MAP3K2: variants seen among roughly 807,000 people sequenced by gnomAD.
The protein encoded by MAP3K2 is mitogen-activated protein kinase kinase kinase 2.
In MAP3K2, 24 loss-of-function variants were observed where a neutral mutation model predicts 80.3. The ratio of observed to expected loss-of-function variants is 0.30; its 90% CI spans 0.22 to 0.42. MAP3K2 has a LOEUF of 0.42. MAP3K2 is among the 10% of genes least tolerant of loss of function. The pLI is 1.00. For synonymous variants in MAP3K2, 244 were observed against 253.7 expected, an observed-to-expected ratio of 0.96 and a Z score of 0.36; for missense variants, 608 against 750.1, an observed-to-expected ratio of 0.81 and a Z score of 2.21.
intron 1 of MAP3K2, 49 bp from the exon 2 acceptor site, chr2:127,343,243 G>A (rs1573994258): frequency 6.7e-6 from 5 of 746,390 alleles, no homozygotes; most frequent in South Asian, 2.1e-5. Context: ...AACAGAAAAG[G>A]AGCCAGGAAA....
chr2:127,341,567 C>G (rs1347204539), intron 2 of MAP3K2, among the ~76,000 whole-genome samples: 1 of 116,602 alleles, frequency 8.6e-6, no homozygotes, highest in Non-Finnish European at 1.6e-5. Flanking sequence ...GAGTCTTGCT[C>G]TGTCGCCCAG....
At chr2:127,323,782 C>T (rs1326969543) in intron 11 of MAP3K2, 120 bp downstream of exon 11, 3 of 482,598 alleles carry the variant, frequency 6.2e-6, no homozygotes, top group Non-Finnish European at 1.1e-5. Flanking sequence ...TGTTATAACA[C>T]AATTCCTCAT....
At chr2:127,342,388 GGTGTGTGT>G (rs56300936) in intron 2 of MAP3K2, among the ~76,000 whole-genome samples, 37,247 of 147,760 alleles carry the variant, frequency 0.25, 4,779 homozygotes, top group Middle Eastern at 0.29. Flanking sequence ...TCTTCATGAG[GGTGTGTGT>G]GTGTGTGTGT....
Position 127,318,189 on chromosome 2 carries a change from C to G in MAP3K2, c.1174G>C (p.Asp392His), listed in dbSNP as rs373223980. 8.7e-5 allele frequency: 139 copies of G among 1,606,656 alleles called. No homozygotes were observed. In the African/African-American group the frequency reaches 1.6e-3, roughly 19 times the overall value. Residue 392 changes from aspartate (D) to histidine (H), a missense_variant, in exon 13 of 17, where the codon GAT (aspartate) becomes CAT (histidine). Coordinates refer to ENST00000682094, the MANE Select transcript of MAP3K2 (RefSeq NM_001371910.2). ...TTTACCTTGCTGGTCTCAGGACTATCGGGGTCAAATTGAACTTGCTTAACA... is the reference window on the plus strand; with the variant it reads ...TTTACCTTGCTGGTCTCAGGACTATGGGGGTCAAATTGAACTTGCTTAACA... ...LAVKQVQFDPDSPETSKEVNA... is the reference protein window; with the variant it reads ...LAVKQVQFDPHSPETSKEVNA...
At chr2:127,383,904 C>T (rs868231603) in intron 1 of MAP3K2, among the ~76,000 whole-genome samples, 13 of 140,526 alleles carry the variant, frequency 9.3e-5, no homozygotes, top group Non-Finnish European at 1.5e-4. Context: ...GATGGAGTCT[C>T]GCTCTGTCAC....
At chr2:127,319,918 G>A (rs1685984342) in intron 12 of MAP3K2, among the ~76,000 whole-genome samples, 1 of 150,524 alleles carries the variant, frequency 6.6e-6, no homozygotes, top group Non-Finnish European at 1.5e-5. Flanking sequence ...AAGGTAATTA[G>A]AAGAATTTAA....
intron 12 of MAP3K2, among the ~76,000 whole-genome samples, chr2:127,320,678 T>C (rs530998564): frequency 3.7e-4 from 56 of 152,268 alleles, no homozygotes; most frequent in African/African-American, 1.3e-3. Flanking sequence ...ATTCACACTG[T>C]AGAAAATCAA....
At chr2:127,386,507 C>G (rs1687349890) in intron 1 of MAP3K2, among the ~76,000 whole-genome samples, 1 of 152,242 alleles carries the variant, frequency 6.6e-6, no homozygotes, top group African/African-American at 2.4e-5. Flanking sequence ...AATAACCCAA[C>G]TGTGAGTTCC....
intron 6 of MAP3K2, 83 bp from the exon 7 acceptor site, chr2:127,330,091 A>G: frequency 1.3e-6 from 1 of 776,874 alleles, no homozygotes; most frequent in Non-Finnish European, 2.2e-6. Context: ...AGTACAAAAC[A>G]TTTTATATTG....
At chr2:127,319,650 C>CAAAAAA (rs57472022) in intron 12 of MAP3K2, among the ~76,000 whole-genome samples, 3,894 of 72,056 alleles carry the variant, frequency 0.054, 10 homozygotes, top group Non-Finnish European at 0.062. Flanking sequence ...ACTAAAAATA[C>CAAAAAA]AAAAAAAAAA....
rs753868804 is a variant in MAP3K2, at chr2:127,363,200, G to A, written c.-65-20006C>T. Among the ~76,000 whole-genome samples the A allele has an allele frequency of 2.0e-4, 31 of 152,088 alleles. 1 individual carries two copies. The highest frequency in any genetic ancestry group is 1.0e-3 in the Admixed American group (16 of 15,272). On this transcript the variant is annotated intron_variant, in intron 1 of 16. Transcript: ENST00000682094. ...GTCGAGGTTCTGGAACCAATCCCCC[G>A]CAGATACCAAGGGATGACTGTGTAT...
chr2:127,336,044 T>C, intron 4 of MAP3K2, 75 bp from the exon 5 acceptor site: 2 of 805,714 alleles, frequency 2.5e-6, no homozygotes, highest in Non-Finnish European at 4.2e-6. Context: ...TTACCTCCTT[T>C]TAGAGTGATA....
At chr2:127,371,086 A>C (rs1351730428) in intron 1 of MAP3K2, among the ~76,000 whole-genome samples, 2 of 152,238 alleles carry the variant, frequency 1.3e-5, no homozygotes, top group African/African-American at 4.8e-5. Context: ...GCTAAGAAAA[A>C]GCATTAAAGA....
At chr2:127,380,578 T>C (rs1687228806) in intron 1 of MAP3K2, among the ~76,000 whole-genome samples, 1 of 152,142 alleles carries the variant, frequency 6.6e-6, no homozygotes, top group African/African-American at 2.4e-5. Context: ...TATCCTCCTA[T>C]TAGTTGGGAA....
chr2:127,353,512 C>T (rs1359506439), intron 1 of MAP3K2, among the ~76,000 whole-genome samples: 2 of 152,116 alleles, frequency 1.3e-5, no homozygotes, highest in African/African-American at 4.8e-5. Context: ...GCAGCCGCCC[C>T]GTCTGGGAAG....
Position 127,318,288 on chromosome 2 carries a change from C to G in MAP3K2, c.1075G>C (p.Gly359Arg). 1 of 1,602,222 alleles carries G rather than the reference C, an allele frequency of 6.2e-7. No individual in the cohort carries two copies. The change falls in exon 13 of 17, where the codon GGC becomes CGC. Residue 359 changes from glycine (G) to arginine (R), a missense_variant. By Grantham distance (125) the Gly-to-Arg change is moderately radical (BLOSUM62 -2). This residue lies in a region of MAP3K2 where 467 missense variants were observed against 521.9 expected (regional missense o/e 0.89). Coordinates refer to ENST00000682094, the MANE Select transcript of MAP3K2 (RefSeq NM_001371910.2). ...AAGGCTCCTTGGCCAAGCAGTTTGC[C>G]CAATCTCCAGTTGGTCGGAGCTCGA... ...SPRAPTNWRL[G>R]KLLGQGAFGR...
intron 1 of MAP3K2, among the ~76,000 whole-genome samples, chr2:127,356,878 G>A (rs1159056477): frequency 6.6e-6 from 1 of 152,070 alleles, no homozygotes; most frequent in East Asian, 1.9e-4. Flanking sequence ...ATAGACAGAC[G>A]GGACTTAGTT....
chr2:127,317,549 A>G, intron 14 of MAP3K2, 80 bp downstream of exon 14: 2 of 1,231,214 alleles, frequency 1.6e-6, no homozygotes, highest in Non-Finnish European at 2.2e-6. Flanking sequence ...ACATTTTATA[A>G]TCTACGTTTT....
intron 1 of MAP3K2, among the ~76,000 whole-genome samples, chr2:127,380,787 T>C (rs974230969): frequency 1.2e-4 from 18 of 152,330 alleles, no homozygotes; most frequent in African/African-American, 4.1e-4. Context: ...AAACTTAACA[T>C]TTCTTGTTAA....
Sources: allele counts gnomAD v4.1 joint callset (sites outside exome capture counted in the v4.1 genomes callset), GRCh38; gene constraint gnomAD v4.1.1; regional missense constraint gnomAD v4.1.1; transcripts MANE v1.5; gene names NCBI Gene and HGNC (gene_info 2026-07-23, HGNC 2026-07-21).